Variants in KICS2 observed in about 807,000 individuals in gnomAD.
The protein encoded by KICS2 is KICSTOR complex protein C12orf66.
A neutral mutation model predicts 31.4 loss-of-function variants in KICS2; 13 were observed. The ratio of observed to expected loss-of-function variants is 0.41; its 90% confidence interval spans 0.27 to 0.66. The LOEUF is 0.66. KICS2 is among the 30% of genes least tolerant of loss of function. The pLI is 0.28. For missense variants in KICS2, 455 were observed against 545.4 expected (o/e 0.83, Z 1.65); for synonymous variants, 209 against 214.8 (o/e 0.97, Z 0.24).
chr12:64,203,368 T>C (rs1472116196), intron 2 of KICS2, among the ~76,000 whole-genome samples: 1 of 152,236 alleles, frequency 6.6e-6, no homozygotes, highest in Non-Finnish European at 1.5e-5. Flanking sequence ...GCCTAGTGGC[T>C]GCCAGGCCTG....
intron 2 of KICS2, among the ~76,000 whole-genome samples, chr12:64,209,188 A>T (rs540448369): frequency 2.0e-5 from 3 of 152,020 alleles, no homozygotes; most frequent in Non-Finnish European, 4.4e-5. Flanking sequence ...AACTTATATA[A>T]TAATTATATT....
At chr12:64,217,324 C>T (rs1423583651) in intron 1 of KICS2, among the ~76,000 whole-genome samples, 1 of 152,164 alleles carries the variant, frequency 6.6e-6, no homozygotes, top group Non-Finnish European at 1.5e-5. Flanking sequence ...CCCAGACAAA[C>T]TACTGATACT....
At chr12:64,218,606 A>G (rs1031692661) in intron 1 of KICS2, among the ~76,000 whole-genome samples, 2 of 152,182 alleles carry the variant, frequency 1.3e-5, no homozygotes, top group African/African-American at 4.8e-5. Context: ...AAATACTACA[A>G]AAAGAATAGC....
downstream of KICS2, chr12:64,186,919 C>A (rs186040835): frequency 6.6e-6 from 1 of 152,384 alleles, no homozygotes; most frequent in East Asian, 1.9e-4. Context: ...AGGGACTGCT[C>A]TGACACTGGC....
Position 64,192,568 on chromosome 12 carries a change from G to A in KICS2, c.*1274C>T, listed in dbSNP as rs1323859934. 3 of 980,596 alleles carry A rather than the reference G, an allele frequency of 3.1e-6. No homozygotes were observed. Among genetic ancestry groups the A allele is most frequent in the African/African-American group, 1.8e-5 (1 of 57,070 alleles). The allele number at this position is 980,596 out of a possible 1,614,324, so 60.7% of individuals were successfully genotyped here. A position where few individuals can be genotyped will look rare whatever the true frequency, so the allele number is the denominator to read the frequency against. On this transcript the variant is annotated 3_prime_UTR_variant, in exon 3 of 3. Coordinates refer to ENST00000398055, the MANE Select transcript of KICS2 (RefSeq NM_152440.5). ...AAACAGTGGCTCCACACAATCATGG[G>A]AAAAAAGACGAATATGACCATTACA...
chr12:64,204,657 C>T (rs1195362817), intron 2 of KICS2: 1 of 152,038 alleles, frequency 6.6e-6, no homozygotes, highest in Admixed American at 6.6e-5. Context: ...TTAGCCAGGC[C>T]TCGTGGAGTG....
chr12:64,196,011 G>A (rs1242887757), intron 2 of KICS2, among the ~76,000 whole-genome samples: 3 of 152,272 alleles, frequency 2.0e-5, no homozygotes, highest in South Asian at 2.1e-4. Context: ...CAAGGCGGCA[G>A]CGAGGCTGGG....
Position 64,191,353 on chromosome 12 carries a change from C to T in KICS2, c.*2489G>A, listed in dbSNP as rs995641614. The T allele has an allele frequency of 1.3e-5, 2 of 152,086 alleles. No individual in the cohort carries two copies. Among genetic ancestry groups the T allele is most frequent in the African/African-American group, 4.8e-5 (2 of 41,406 alleles). 9.4% of individuals were successfully genotyped at this position (152,086 alleles called of 1,614,324 possible). ...TTAATATTCACATCTGCCTTCTGTTCTTTGAAATTCTTTTTGTGTTTATGT... is the reference window on the plus strand; with the variant it reads ...TTAATATTCACATCTGCCTTCTGTTTTTTGAAATTCTTTTTGTGTTTATGT... On this transcript the variant is annotated 3_prime_UTR_variant, in exon 3 of 3. Transcript: ENST00000398055.
At chr12:64,207,906 G>A (rs2037553895) in intron 2 of KICS2, among the ~76,000 whole-genome samples, 1 of 152,228 alleles carries the variant, frequency 6.6e-6, no homozygotes. Flanking sequence ...CAGAGAGGTA[G>A]GAAATGGCAA....
chr12:64,190,783 T>A (rs150977341), downstream of KICS2, among the ~76,000 whole-genome samples: 50 of 152,086 alleles, frequency 3.3e-4, no homozygotes, highest in African/African-American at 1.1e-3. Context: ...AGAAAAGTAT[T>A]TGGACACATT....
In KICS2 at chr12:64,222,296, T is replaced by C; in HGVS notation, c.-59A>G. 1 of 1,583,532 alleles carries C rather than the reference T, an allele frequency of 6.3e-7. No individual in the cohort carries two copies. On this transcript the variant is annotated 5_prime_UTR_variant, in exon 1 of 3. Transcript: ENST00000398055. ...TCCTCGGCCTCGCACTTCCGGGTTC[T>C]GAGGGAACGGGCTTGCGCACAAGCG... is the stretch of plus-strand genomic sequence containing the variant.
intron 2 of KICS2, among the ~76,000 whole-genome samples, chr12:64,205,481 T>C (rs190957952): frequency 2.6e-5 from 4 of 152,298 alleles, no homozygotes; most frequent in South Asian, 2.1e-4. Context: ...GAGGCTCTGT[T>C]AAATGGTTGT....
At position 64,194,244 on chromosome 12, in the gene KICS2, A is replaced by G. The variant is rs1300959450; in HGVS notation, c.936T>C (p.Asn312=). 5.0e-6 allele frequency: 8 copies of G among 1,614,208 alleles called. No homozygotes were observed. Among genetic ancestry groups the G allele is most frequent in the Non-Finnish European group, 6.8e-6 (8 of 1,180,038 alleles). ...SSFIRKYDAA[N]VSLIFDNRGS... ...CTCTGTTGTCAAAAATTAAGGACAC[A>G]TTGGCAGCATCATATTTTCTGATGA... is the stretch of plus-strand genomic sequence containing the variant. The change falls in exon 3 of 3, where the codon AAT becomes AAC. Residue 312 remains asparagine, a synonymous_variant. Transcript: ENST00000398055.
At chr12:64,209,916 T>C (rs1162764910) in intron 2 of KICS2, among the ~76,000 whole-genome samples, 2 of 152,198 alleles carry the variant, frequency 1.3e-5, no homozygotes, top group African/African-American at 2.4e-5. Context: ...AATGGATCCT[T>C]TGGGAGGAGG....
chr12:64,206,625 G>A (rs1398590706), intron 2 of KICS2, among the ~76,000 whole-genome samples: 1 of 152,116 alleles, frequency 6.6e-6, no homozygotes, highest in Non-Finnish European at 1.5e-5. Context: ...TAGCTGAGAG[G>A]TGGAAACAAC....
chr12:64,194,371 C>T lies in KICS2; in HGVS notation c.809G>A (p.Ser270Asn), dbSNP rs774708461. Residue 270 changes from serine to asparagine, a missense_variant, in exon 3 of 3, where the codon AGC becomes AAC. By Grantham distance (46) the Ser-to-Asn change is conservative (BLOSUM62 1). Coordinates refer to ENST00000398055, the MANE Select transcript of KICS2 (RefSeq NM_152440.5). ...KLKNMLLAKF[S>N]FYFHEALSRQ... The stretch of plus-strand genomic sequence containing the variant: ...GCTCAGAGCCTCATGAAAGTAAAAG[C>T]TAAACTTGGCAAGAAGCATGTTTTT... 3.7e-6 allele frequency: 6 copies of T among 1,614,184 alleles called. No individual in the cohort carries two copies. Among genetic ancestry groups the T allele is most frequent in the Non-Finnish European group, 5.1e-6 (6 of 1,180,030 alleles).
intron 2 of KICS2, among the ~76,000 whole-genome samples, chr12:64,211,309 G>T (rs187352863): frequency 2.6e-5 from 4 of 152,160 alleles, no homozygotes; most frequent in Admixed American, 2.6e-4. Flanking sequence ...TATTTCTCAG[G>T]AATGACAGCA....
At position 64,215,564 on chromosome 12, in the gene KICS2, T is replaced by G. The variant is rs541050285; in HGVS notation, c.521+114A>C. 5 of 962,302 alleles carry G rather than the reference T, an allele frequency of 5.2e-6. No homozygotes were observed. In the East Asian group the frequency reaches 1.3e-4, roughly 25 times the overall value. 59.6% of individuals were successfully genotyped at this position (962,302 alleles called of 1,614,324 possible). The stretch of plus-strand genomic sequence containing the variant: ...TATGTATAAAATGTAATCCAGTTAT[T>G]TATTTCACAGTTATTTCATCACAGA... On this transcript the variant is annotated intron_variant, in intron 2 of 2. Coordinates refer to ENST00000398055, the MANE Select transcript of KICS2 (RefSeq NM_152440.5).
chr12:64,207,301 C>CAAAAA (rs35532711), intron 2 of KICS2, among the ~76,000 whole-genome samples: 21 of 57,344 alleles, frequency 3.7e-4, no homozygotes, highest in African/African-American at 1.3e-3. Context: ...CAACTCGTCT[C>CAAAAA]AAAAAAAAAA....
Sources: allele counts gnomAD v4.1 joint callset (sites outside exome capture counted in the v4.1 genomes callset), GRCh38; gene constraint gnomAD v4.1.1; transcripts MANE v1.5; gene names NCBI Gene and HGNC (gene_info 2026-07-23, HGNC 2026-07-21).